ADCY2: variants seen among roughly 807,000 people sequenced by gnomAD.
ADCY2 encodes adenylate cyclase 2.
A neutral mutation model predicts 125.2 loss-of-function variants in ADCY2; 31 were observed. The ratio of observed to expected loss-of-function variants is 0.25; its 90% CI spans 0.19 to 0.33. The LOEUF (loss-of-function observed/expected upper bound fraction) is 0.33, where lower values mean the gene tolerates loss of function less well. ADCY2 is among the 10% of genes least tolerant of loss of function. The probability of loss-of-function intolerance (pLI) is 1.00; values close to 1 mark genes in which losing one functional copy is unlikely to be tolerated. For synonymous variants in ADCY2, 512 were observed against 548.4 expected (o/e 0.93, Z 0.93); for missense variants, 904 against 1,418.2 (o/e 0.64, Z 5.82).
At chr5:7,606,705 C>G (rs999479029) in intron 3 of ADCY2, among the ~76,000 whole-genome samples, 8 of 152,162 alleles carry the variant, frequency 5.3e-5, no homozygotes, top group African/African-American at 1.9e-4. Flanking sequence ...TCAGAACACT[C>G]ATTTAACTAG....
At chr5:7,688,336 C>T (rs903134842) in intron 4 of ADCY2, among the ~76,000 whole-genome samples, 3 of 151,560 alleles carry the variant, frequency 2.0e-5, no homozygotes, top group Admixed American at 2.0e-4. Context: ...AGCACAGTCT[C>T]GGCTCACTGC....
chr5:7,404,264 T>C (rs974306322), intron 1 of ADCY2, among the ~76,000 whole-genome samples: 3 of 152,180 alleles, frequency 2.0e-5, no homozygotes, highest in Non-Finnish European at 4.4e-5. Flanking sequence ...TCTCACCAGA[T>C]GTCTTTTTAG....
chr5:7,578,315 A>G (rs1190031621), intron 3 of ADCY2, among the ~76,000 whole-genome samples: 5 of 152,208 alleles, frequency 3.3e-5, no homozygotes. Flanking sequence ...GCCAGTGGTC[A>G]AATTGAAACA....
At chr5:7,430,269 C>A (rs1165208324) in intron 2 of ADCY2, among the ~76,000 whole-genome samples, 1 of 151,812 alleles carries the variant, frequency 6.6e-6, no homozygotes, top group East Asian at 1.9e-4. Flanking sequence ...GTGAATTATA[C>A]CAAAGTTTAA....
At chr5:7,807,958 G>A (rs1744805457) in intron 22 of ADCY2, among the ~76,000 whole-genome samples, 1 of 152,216 alleles carries the variant, frequency 6.6e-6, no homozygotes, top group African/African-American at 2.4e-5. Context: ...TTGTTACAGT[G>A]GTTTCCAGGG....
chr5:7,579,725 T>C (rs12655302), intron 3 of ADCY2, among the ~76,000 whole-genome samples: 94,886 of 152,016 alleles, frequency 0.62, 30,345 homozygotes, highest in Non-Finnish European at 0.69. Flanking sequence ...AAATAAATAA[T>C]AGGAAACAAG....
At chr5:7,504,546 C>T (rs1186673653) in intron 2 of ADCY2, among the ~76,000 whole-genome samples, 1 of 151,926 alleles carries the variant, frequency 6.6e-6, no homozygotes, top group Non-Finnish European at 1.5e-5. Flanking sequence ...TAACACTGTT[C>T]AGCAAGAAGT....
At chr5:7,677,148 C>T (rs1015315521) in intron 4 of ADCY2, among the ~76,000 whole-genome samples, 2 of 151,932 alleles carry the variant, frequency 1.3e-5, no homozygotes, top group African/African-American at 2.4e-5. Flanking sequence ...CTTGGTGGCA[C>T]GGGCCTGTAA....
intron 3 of ADCY2, among the ~76,000 whole-genome samples, chr5:7,535,170 A>G (rs2126551903): frequency 6.6e-6 from 1 of 152,288 alleles, no homozygotes; most frequent in African/African-American, 2.4e-5. Context: ...CCTCCTGAGT[A>G]GCTGGGATTA....
chr5:7,414,635 G>A lies in ADCY2; in HGVS notation c.273G>A (p.Ala91=), dbSNP rs149944070. 6.2e-5 allele frequency: 100 copies of A among 1,613,214 alleles called. No homozygotes were observed. The highest frequency in any genetic ancestry group is 8.1e-5 in the Non-Finnish European group (95 of 1,179,778). The change falls in exon 2 of 25, where the codon GCG becomes GCA. Residue 91 remains alanine, a synonymous_variant. Coordinates refer to ENST00000338316, the MANE Select transcript of ADCY2 (RefSeq NM_020546.3). ...CAACTGCCCTGGCGATTTTCTTTGC[G>A]ATATTTATCCTGGTCTGCATCGAGT... is the stretch of plus-strand genomic sequence containing the variant. ...TVPTALAIFF[A]IFILVCIESV...
intron 2 of ADCY2, among the ~76,000 whole-genome samples, chr5:7,464,990 G>A (rs1742051617): frequency 6.6e-6 from 1 of 152,170 alleles, no homozygotes; most frequent in Admixed American, 6.5e-5. Context: ...GTCTTACATG[G>A]CAGCAGGCAA....
intron 15 of ADCY2, among the ~76,000 whole-genome samples, chr5:7,753,768 C>G (rs1006798420): frequency 6.6e-6 from 1 of 152,170 alleles, no homozygotes; most frequent in African/African-American, 2.4e-5. Flanking sequence ...CTGCTCCCCC[C>G]ACCAGCTTGA....
intron 2 of ADCY2, among the ~76,000 whole-genome samples, chr5:7,463,387 T>C (rs1015416354): frequency 2.3e-4 from 35 of 152,262 alleles, no homozygotes; most frequent in African/African-American, 7.2e-4. Context: ...ACCATAGGCC[T>C]GGGATGTGTT....
intron 1 of ADCY2, among the ~76,000 whole-genome samples, chr5:7,405,498 G>T (rs555713939): frequency 2.7e-4 from 41 of 152,300 alleles, no homozygotes; most frequent in Non-Finnish European, 1.2e-4. Context: ...TGGCTGTTGA[G>T]TGGGGTGCCA....
At chr5:7,654,160 T>A (rs1222180387) in intron 4 of ADCY2, 1 of 455,152 alleles carries the variant, frequency 2.2e-6, no homozygotes, top group Admixed American at 2.4e-5. Flanking sequence ...GAAAGGGCCT[T>A]GGGAAGAGAT....
chr5:7,666,761 T>A (rs1468448004), intron 4 of ADCY2, among the ~76,000 whole-genome samples: 1 of 152,208 alleles, frequency 6.6e-6, no homozygotes, highest in Non-Finnish European at 1.5e-5. Flanking sequence ...TCAGTTGATA[T>A]TGCCCCCCTG....
chr5:7,784,614 G>A lies in ADCY2; in HGVS notation c.2469+165G>A, dbSNP rs1467160220. Reference sequence around the variant, plus strand: ...AGTTAGTACAGGGTGTGGATGCTTCGATATAGACAAAAGGAAAAATATCTT... The same window carrying A: ...AGTTAGTACAGGGTGTGGATGCTTCAATATAGACAAAAGGAAAAATATCTT... On this transcript the variant is annotated intron_variant, in intron 19 of 24. Transcript: ENST00000338316. Among the ~76,000 whole-genome samples, 4 of 152,194 alleles carry A rather than the reference G, an allele frequency of 2.6e-5. No individual in the cohort carries two copies. The East Asian group carries it at 5.8e-4, about 22-fold the overall frequency.
chr5:7,698,673 T>C (rs1257240455), intron 7 of ADCY2, among the ~76,000 whole-genome samples: 3 of 152,352 alleles, frequency 2.0e-5, no homozygotes, highest in Middle Eastern at 3.4e-3. Flanking sequence ...TTGCTGAGAA[T>C]GATGGTTTCC....
At chr5:7,705,219 G>A (rs1328706178) in intron 7 of ADCY2, among the ~76,000 whole-genome samples, 1 of 152,232 alleles carries the variant, frequency 6.6e-6, no homozygotes, top group Non-Finnish European at 1.5e-5. Context: ...AAATGACCTT[G>A]ATCCATTAGT....
Sources: gnomAD v4.1 joint callset for allele counts (sites outside exome capture counted in the v4.1 genomes callset) on GRCh38, gnomAD v4.1.1 for gene constraint, MANE v1.5 for transcripts, NCBI Gene and HGNC (gene_info 2026-07-23, HGNC 2026-07-21) for gene names.